The following C12orf54 variants were observed in gnomAD, a reference collection of about 807,000 sequenced individuals.
C12orf54 encodes the protein chromosome 12 open reading frame 54.
C12orf54 carries 24 observed loss-of-function variants against 26.4 expected under a neutral mutation model. The observed-to-expected ratio is 0.91, with a 90% CI of 0.66 to 1.28. The LOEUF is 1.28. Ranked by LOEUF, C12orf54 falls within the 50% of genes most tolerant of loss-of-function variation. The probability of loss-of-function intolerance (pLI) is 0.00; values close to 1 mark genes in which losing one functional copy is unlikely to be tolerated. For missense variants in C12orf54, 154 were observed against 150.9 expected (o/e 1.02, Z -0.11); for synonymous variants, 54 against 47.0 (o/e 1.15, Z -0.61).
intron 1 of C12orf54, 92 bp from the exon 2 acceptor site, chr12:48,483,148 C>T: frequency 1.8e-6 from 1 of 567,582 alleles, no homozygotes; most frequent in East Asian, 5.2e-5. Context: ...AATACAAATG[C>T]TCCATTAACT....
At chr12:48,445,034 G>A in the C12orf54 span, among the ~76,000 whole-genome samples, 2 of 152,146 alleles carry the variant, frequency 1.3e-5, no homozygotes, top group Non-Finnish European at 2.9e-5. Context: ...AGCCAGGCGT[G>A]GTGGCTTGGG....
At chr12:48,426,712 C>A in the C12orf54 span, among the ~76,000 whole-genome samples, 5 of 152,054 alleles carry the variant, frequency 3.3e-5, no homozygotes, top group African/African-American at 9.7e-5. Flanking sequence ...TCCCTATCCA[C>A]GAGCATGAAT....
chr12:48,473,189 TGAG>T, the C12orf54 span: 6 of 1,384,832 alleles, frequency 4.3e-6, no homozygotes, highest in Non-Finnish European at 5.1e-6. Context: ...AGGATGAGGA[TGAG>T]GAGGAGTATG....
chr12:48,429,004 G>A, the C12orf54 span, among the ~76,000 whole-genome samples: 18 of 152,194 alleles, frequency 1.2e-4, no homozygotes, highest in East Asian at 3.9e-4. Context: ...ATGCAGAGAC[G>A]GTTTAACATA....
At chr12:48,464,500 G>C in the C12orf54 span, among the ~76,000 whole-genome samples, 1 of 152,114 alleles carries the variant, frequency 6.6e-6, no homozygotes, top group Non-Finnish European at 1.5e-5. Context: ...ACTGCCTAAA[G>C]TAATTTACAG....
chr12:48,478,175 A>T (rs1954163236), upstream of C12orf54, among the ~76,000 whole-genome samples: 1 of 152,240 alleles, frequency 6.6e-6, no homozygotes, highest in Non-Finnish European at 1.5e-5. Context: ...GATGCAGAAA[A>T]GGCCTTTGAC....
the C12orf54 span, chr12:48,472,979 A>C: frequency 1.9e-6 from 3 of 1,614,034 alleles, no homozygotes; most frequent in Admixed American, 5.0e-5. Context: ...ACCTCAGCAC[A>C]ATAGAGCCCC....
chr12:48,474,864 T>A, the C12orf54 span, among the ~76,000 whole-genome samples: 1 of 152,242 alleles, frequency 6.6e-6, no homozygotes, highest in Admixed American at 6.5e-5. Flanking sequence ...CTCTGCAGAC[T>A]TAAATTTCCC....
the C12orf54 span, among the ~76,000 whole-genome samples, chr12:48,470,183 T>C: frequency 6.6e-6 from 1 of 152,224 alleles, no homozygotes; most frequent in African/African-American, 2.4e-5. Context: ...TTTGGTAGAA[T>C]GATTTATTTT....
the C12orf54 span, among the ~76,000 whole-genome samples, chr12:48,425,277 T>C: frequency 3.4e-4 from 52 of 152,226 alleles, no homozygotes; most frequent in East Asian, 9.3e-3. Flanking sequence ...TGTTCCCCTC[T>C]TTATGCCCAT....
the C12orf54 span, among the ~76,000 whole-genome samples, chr12:48,422,872 G>A: frequency 6.6e-6 from 1 of 152,084 alleles, no homozygotes; most frequent in Non-Finnish European, 1.5e-5. Context: ...ACAAGAAAGG[G>A]ATGAAAAGGA....
intron 3 of C12orf54, 122 bp from the exon 4 acceptor site, chr12:48,486,566 G>C: frequency 9.8e-7 from 1 of 1,019,034 alleles, no homozygotes; most frequent in East Asian, 2.6e-5. Context: ...GAAATGGGGT[G>C]ATTTTGGGTG....
chr12:48,484,673 C>T (rs868034952), intron 2 of C12orf54, among the ~76,000 whole-genome samples: 2 of 152,144 alleles, frequency 1.3e-5, no homozygotes, highest in South Asian at 4.1e-4. Flanking sequence ...AGCATAGTAG[C>T]GTGACTATAA....
the C12orf54 span, among the ~76,000 whole-genome samples, chr12:48,433,976 C>T: frequency 6.6e-6 from 1 of 152,142 alleles, no homozygotes; most frequent in African/African-American, 2.4e-5. Flanking sequence ...TCACCTCACC[C>T]CGGAAGCATA....
At chr12:48,443,951 A>G in the C12orf54 span, among the ~76,000 whole-genome samples, 1 of 152,202 alleles carries the variant, frequency 6.6e-6, no homozygotes, top group East Asian at 1.9e-4. Flanking sequence ...TATTCTTTGG[A>G]ATCGAGTCCA....
intron 6 of C12orf54, 106 bp downstream of exon 6, chr12:48,490,942 A>T (rs1363504767): frequency 4.4e-6 from 6 of 1,373,306 alleles, no homozygotes; most frequent in East Asian, 2.3e-5. Flanking sequence ...GGAGATAAGA[A>T]GTGAGATATG....
At chr12:48,454,395 G>A in the C12orf54 span, among the ~76,000 whole-genome samples, 32 of 152,096 alleles carry the variant, frequency 2.1e-4, no homozygotes, top group African/African-American at 1.9e-4. Flanking sequence ...CACCGCACCC[G>A]GCCAAGACTG....
At chr12:48,480,312 G>GT (rs1592196721), upstream of C12orf54, among the ~76,000 whole-genome samples, 1 of 152,150 alleles carries the variant, frequency 6.6e-6, no homozygotes, top group East Asian at 1.9e-4. Flanking sequence ...GAGTTGTTTG[G>GT]TTTTTTCTTG....
the C12orf54 span, among the ~76,000 whole-genome samples, chr12:48,424,534 GA>G: frequency 0.13 from 20,148 of 152,038 alleles, 2,686 homozygotes; most frequent in East Asian, 0.66. Flanking sequence ...TGGTTCAAAT[GA>G]AAAATATCTT....
Sources: gnomAD v4.1 joint callset for allele counts (sites outside exome capture counted in the v4.1 genomes callset) on GRCh38, gnomAD v4.1.1 for gene constraint, MANE v1.5 for transcripts, NCBI Gene and HGNC (gene_info 2026-07-23, HGNC 2026-07-21) for gene names.